CSMD1: variants seen among roughly 807,000 people sequenced by gnomAD.
CSMD1 encodes the protein CUB and sushi domain-containing protein 1.
A neutral mutation model predicts 417.5 loss-of-function variants in CSMD1; 213 were observed. The ratio of observed to expected loss-of-function variants is 0.51; its 90% CI spans 0.46 to 0.57. The LOEUF (loss-of-function observed/expected upper bound fraction) is 0.57. CSMD1 is among the 20% of genes least tolerant of loss of function. The pLI is 0.00. For missense variants in CSMD1, 6,923 were observed against 4,529.7 expected (o/e 1.53, Z -15.17); for synonymous variants, 2,862 against 1,736.8 (o/e 1.65, Z -16.11).
At chr8:3,889,301 TAAAAGG>T (rs1207487183) in intron 5 of CSMD1, among the ~76,000 whole-genome samples, 2 of 151,238 alleles carry the variant, frequency 1.3e-5, no homozygotes, top group Non-Finnish European at 2.9e-5. Flanking sequence ...TTTCAGAGGT[TAAAAGG>T]AAAAGAAGAA....
intron 26 of CSMD1, among the ~76,000 whole-genome samples, chr8:3,261,240 A>T (rs1801038474): frequency 6.6e-6 from 1 of 152,234 alleles, no homozygotes; most frequent in South Asian, 2.1e-4. Flanking sequence ...GAGGCAGAAA[A>T]ACAGAATCAC....
intron 2 of CSMD1, among the ~76,000 whole-genome samples, chr8:4,422,850 G>C (rs1322582188): frequency 3.3e-5 from 5 of 152,160 alleles, no homozygotes; most frequent in African/African-American, 1.2e-4. Context: ...GTGTTTATTA[G>C]AGGAATGTTA....
At chr8:3,105,189 G>A (rs1039799802) in intron 46 of CSMD1, among the ~76,000 whole-genome samples, 4 of 152,130 alleles carry the variant, frequency 2.6e-5, no homozygotes, top group African/African-American at 7.2e-5. Flanking sequence ...AAAATAAAGC[G>A]GATAAATCAT....
chr8:3,325,626 C>T (rs1041387319), intron 23 of CSMD1, among the ~76,000 whole-genome samples: 1 of 152,126 alleles, frequency 6.6e-6, no homozygotes, highest in African/African-American at 2.4e-5. Flanking sequence ...GAGTTTGAGA[C>T]CAGCCTGCTC....
rs1195257653 is a variant in CSMD1 at position 3,772,514 on chromosome 8, TACATATATAC to T, written c.819-18482_819-18473del. Among the ~76,000 whole-genome samples, 12 of 39,818 alleles carry T rather than the reference TACATATATAC, an allele frequency of 3.0e-4. 1 individual carries two copies. Among genetic ancestry groups the T allele is most frequent in the African/African-American group, 5.9e-4 (10 of 16,864 alleles). The allele number at this position is 39,818 out of a possible 152,430, so 26.1% of individuals were successfully genotyped here. A position where few individuals can be genotyped will look rare whatever the true frequency, so the allele number is the denominator to read the frequency against. On this transcript the variant is annotated intron_variant, in intron 5 of 69. Transcript: ENST00000635120. ...ACATATATACATATATACACATATA[TACATATATAC>T]ACATATATACATATATACACATATA...
intron 2 of CSMD1, among the ~76,000 whole-genome samples, chr8:4,561,388 C>CA (rs1048849443): frequency 1.3e-5 from 2 of 151,808 alleles, no homozygotes; most frequent in Admixed American, 1.3e-4. Context: ...CAAAACAAAA[C>CA]AAAAAAAATT....
chr8:2,973,664 G>GAAAAAAA (rs72080091), intron 56 of CSMD1, among the ~76,000 whole-genome samples: 4 of 147,652 alleles, frequency 2.7e-5, no homozygotes, highest in African/African-American at 1.0e-4. Flanking sequence ...GGAATGTGGG[G>GAAAAAAA]AAAAAAAAAA....
chr8:4,000,166 T>C (rs538452464), intron 4 of CSMD1, among the ~76,000 whole-genome samples: 1 of 151,990 alleles, frequency 6.6e-6, no homozygotes, highest in East Asian at 1.9e-4. Flanking sequence ...GAGAACAAGC[T>C]GCACAACTGC....
intron 2 of CSMD1, among the ~76,000 whole-genome samples, chr8:4,591,568 C>G (rs1799984927): frequency 6.6e-6 from 1 of 152,158 alleles, no homozygotes; most frequent in Non-Finnish European, 1.5e-5. Flanking sequence ...GTGCAGGCTT[C>G]TCTCTTGGGA....
At chr8:3,865,266 C>T (rs960522919) in intron 5 of CSMD1, among the ~76,000 whole-genome samples, 3 of 152,222 alleles carry the variant, frequency 2.0e-5, no homozygotes, top group Non-Finnish European at 2.9e-5. Flanking sequence ...CAGTAAGTTA[C>T]TTCTGCCTCA....
At chr8:4,762,995 G>C (rs888613261) in intron 1 of CSMD1, among the ~76,000 whole-genome samples, 7 of 152,028 alleles carry the variant, frequency 4.6e-5, no homozygotes, top group Non-Finnish European at 1.0e-4. Context: ...AGATAAGGAA[G>C]CCCTCTGCAA....
chr8:4,662,982 T>G (rs1385151181), intron 1 of CSMD1, among the ~76,000 whole-genome samples: 1 of 152,260 alleles, frequency 6.6e-6, no homozygotes, highest in African/African-American at 2.4e-5. Context: ...GATTTCCTTT[T>G]TCATGTGGAG....
At chr8:3,285,757 A>T (rs988198046) in intron 25 of CSMD1, among the ~76,000 whole-genome samples, 1 of 151,748 alleles carries the variant, frequency 6.6e-6, no homozygotes, top group Non-Finnish European at 1.5e-5. Context: ...CCTCCACTCC[A>T]CCAAATCATT....
chr8:4,434,007 C>G (rs984039400), intron 2 of CSMD1, among the ~76,000 whole-genome samples: 3 of 152,088 alleles, frequency 2.0e-5, no homozygotes, highest in African/African-American at 7.2e-5. Flanking sequence ...TTAACAGCTT[C>G]AATTCTTTTC....
intron 4 of CSMD1, among the ~76,000 whole-genome samples, chr8:4,028,182 A>G (rs1301774579): frequency 1.3e-5 from 2 of 152,212 alleles, no homozygotes; most frequent in South Asian, 2.1e-4. Context: ...TAGAGTAGGA[A>G]CTAGTCATCA....
Position 4,420,078 on chromosome 8 carries a change from G to A in CSMD1, c.303-13C>T, listed in dbSNP as rs1453111810. ...AAATCCCGATAATCTAAATTTAAAAGACAAGACACAAAGAGAGTTAAAAGC... is the reference window on the plus strand; with the variant it reads ...AAATCCCGATAATCTAAATTTAAAAAACAAGACACAAAGAGAGTTAAAAGC... On this transcript the variant is annotated splice_polypyrimidine_tract_variant and intron_variant, in intron 2 of 69. Coordinates refer to ENST00000635120, the MANE Select transcript of CSMD1 (RefSeq NM_033225.6). 24 of 1,522,910 alleles carry A rather than the reference G, an allele frequency of 1.6e-5. No individual in the cohort carries two copies. In the Admixed American group the frequency reaches 4.3e-4, roughly 27 times the overall value. 94.3% of individuals were successfully genotyped at this position (1,522,910 alleles called of 1,614,324 possible). A position where few individuals can be genotyped will look rare whatever the true frequency, so the allele number is the denominator to read the frequency against.
intron 4 of CSMD1, 34 bp from the exon 5 acceptor site, chr8:3,998,144 T>G: frequency 6.5e-7 from 1 of 1,528,420 alleles, no homozygotes; most frequent in Non-Finnish European, 8.9e-7. Flanking sequence ...AAGCATCACA[T>G]TTCAGGATGG....
chr8:4,008,169 G>A (rs1816274535), intron 4 of CSMD1, among the ~76,000 whole-genome samples: 1 of 152,060 alleles, frequency 6.6e-6, no homozygotes, highest in South Asian at 2.1e-4. Flanking sequence ...ATTTTAAAAG[G>A]ACAAATATGA....
chr8:3,767,637 G>A (rs61296875), intron 5 of CSMD1, among the ~76,000 whole-genome samples: 48,594 of 151,914 alleles, frequency 0.32, 8,101 homozygotes, highest in Non-Finnish European at 0.37. Context: ...ATATATTCAC[G>A]CAATGCATAC....
Sources: allele counts gnomAD v4.1 joint callset (sites outside exome capture counted in the v4.1 genomes callset), GRCh38; gene constraint gnomAD v4.1.1; transcripts MANE v1.5; gene names NCBI Gene and HGNC (gene_info 2026-07-23, HGNC 2026-07-21).